The following COL6A3 variants were observed in gnomAD, a reference collection of about 807,000 sequenced individuals.
The protein encoded by COL6A3 is collagen alpha-3(VI) chain.
In COL6A3, 137 loss-of-function variants were observed where a neutral mutation model predicts 274.1. The ratio of observed to expected loss-of-function variants is 0.50; its 90% CI spans 0.44 to 0.58. COL6A3 has a LOEUF of 0.58. Ranked by LOEUF, COL6A3 falls within the 20% of genes least tolerant of loss-of-function variation. The pLI is 0.00. For missense variants in COL6A3, 3,950 were observed against 4,124.9 expected (o/e 0.96, Z 1.16); for synonymous variants, 1,650 against 1,650.6 (o/e 1.00, Z 0.01).
Position 237,374,686 on chromosome 2 carries a change from C to A in COL6A3, c.3405G>T (p.Leu1135=), listed in dbSNP as rs1187457239. The A allele has an allele frequency of 1.2e-6, 2 of 1,613,818 alleles. No homozygotes were observed. Among genetic ancestry groups the A allele is most frequent in the South Asian group, 1.1e-5 (1 of 91,078 alleles). ...ACCTGTCGGCCGTGAGGACGATCAG[C>A]AGCTGGGGCACACCTTCTGTTATCC... The part of the protein sequence containing the change: ...GSRITEGVPQ[L]LIVLTADRSG... Residue 1135 remains leucine (L), a synonymous_variant, in exon 8 of 44, where the codon CTG becomes CTT. Coordinates refer to ENST00000295550, the MANE Select transcript of COL6A3 (RefSeq NM_004369.4). This position sits in a 1 kb window ranked among gnomAD's most constrained non-coding sequence, Gnocchi z 4.8.
At chr2:237,382,652 G>C (rs1309251744) in intron 4 of COL6A3, among the ~76,000 whole-genome samples, 1 of 152,196 alleles carries the variant, frequency 6.6e-6, no homozygotes. Context: ...TTGCAAAAGA[G>C]TCCTCTGTTA....
chr2:237,361,923 TG>T lies in COL6A3; in HGVS notation c.6064-93del, dbSNP rs2077446389. The T allele has an allele frequency of 8.9e-7, 1 of 1,127,550 alleles. No homozygotes were observed. The highest frequency in any genetic ancestry group is 1.3e-5 in the South Asian group (1 of 79,688). The allele number at this position is 1,127,550 out of a possible 1,614,324, so 69.8% of individuals were successfully genotyped here. A position where few individuals can be genotyped will look rare whatever the true frequency, so the allele number is the denominator to read the frequency against. ...GCTTTAAGGGTCAAAATCGGATGTG[TG>T]GGGGTTTCACGGTGTGAGATGAAGT... On this transcript the variant is annotated intron_variant, in intron 14 of 43. Coordinates refer to ENST00000295550, the MANE Select transcript of COL6A3 (RefSeq NM_004369.4). This position sits in a 1 kb window ranked among gnomAD's most constrained non-coding sequence, Gnocchi z 5.1.
At chr2:237,403,739 C>G (rs183766687) in intron 1 of COL6A3, among the ~76,000 whole-genome samples, 1 of 152,006 alleles carries the variant, frequency 6.6e-6, no homozygotes, top group Non-Finnish European at 1.5e-5. Flanking sequence ...AGCTTTAGCC[C>G]GGTCGCAGCA....
rs927612906 is a variant in COL6A3 at position 237,372,279 on chromosome 2, A to G, written c.3738T>C (p.Pro1246=). The G allele has an allele frequency of 3.7e-6, 6 of 1,613,000 alleles. No individual in the cohort carries two copies. The African/African-American group carries it at 8.0e-5, about 22-fold the overall frequency. The change falls in exon 9 of 44, where the codon CCT becomes CCC. Residue 1246 remains proline, a synonymous_variant. Coordinates refer to ENST00000295550, the MANE Select transcript of COL6A3 (RefSeq NM_004369.4). The stretch of plus-strand genomic sequence containing the variant: ...TGAGGGTGCGAACGTACTGGAACTC[A>G]GGCCCGGCACTTTGGGACCCATCGA... ...FLIDGSQSAG[P]EFQYVRTLIE... is the part of the protein sequence containing the mutation.
chr2:237,367,932 G>A (rs1158675060), intron 10 of COL6A3, among the ~76,000 whole-genome samples: 1 of 152,224 alleles, frequency 6.6e-6, no homozygotes, highest in Non-Finnish European at 1.5e-5. Context: ...GCCACAGGCA[G>A]CCTGGTAGGG....
At chr2:237,350,796 C>T (rs921549190) in intron 27 of COL6A3, among the ~76,000 whole-genome samples, 13 of 152,292 alleles carry the variant, frequency 8.5e-5, no homozygotes, top group South Asian at 4.1e-4. Context: ...CAAGCACTGC[C>T]CGGCTGCTCT....
At chr2:237,367,497 C>G (rs546706655) in intron 10 of COL6A3, among the ~76,000 whole-genome samples, 1 of 152,242 alleles carries the variant, frequency 6.6e-6, no homozygotes, top group South Asian at 2.1e-4. Context: ...ATGATAAATC[C>G]TCTAAACAAA....
At position 237,377,163 on chromosome 2, in the gene COL6A3, G is replaced by A; in HGVS notation, c.2679C>T (p.His893=). The change falls in exon 7 of 44, where the codon CAC becomes CAT. Residue 893 remains histidine (H), a synonymous_variant. Transcript: ENST00000295550. The part of the protein sequence containing the change: ...DVKVESRFDE[H]QSKPEILNLV... ...GATTCAGGATCTCAGGCTTACTCTG[G>A]TGCTCATCAAAACGGGACTCCACCT... 1.2e-6 allele frequency: 2 copies of A among 1,614,142 alleles called. No homozygotes were observed. The highest frequency in any genetic ancestry group is 1.7e-6 in the Non-Finnish European group (2 of 1,180,026).
intron 23 of COL6A3, chr2:237,355,214 CA>C: frequency 2.2e-6 from 1 of 450,784 alleles, no homozygotes. Flanking sequence ...GCAGACCTGC[CA>C]AGCAAAATAA....
In COL6A3 at chr2:237,381,435, G is replaced by A. The variant is rs1177659671; in HGVS notation, c.1377C>T (p.Ala459=). Residue 459 remains alanine (A), a synonymous_variant, in exon 5 of 44, where the codon GCC becomes GCT. Transcript: ENST00000295550. The stretch of plus-strand genomic sequence containing the variant: ...TGAAGTCTCGGATGGCATTGAAGTT[G>A]GCCAGTCCCAGTGCAGATGAGCCAT... ...LVDGSSALGL[A]NFNAIRDFIA... 1.2e-6 allele frequency: 2 copies of A among 1,611,740 alleles called. No individual in the cohort carries two copies. The highest frequency in any genetic ancestry group is 2.7e-5 in the African/African-American group (2 of 74,920).
intron 42 of COL6A3, chr2:237,327,631 G>A (rs548857104): frequency 6.6e-6 from 1 of 152,244 alleles, no homozygotes; most frequent in South Asian, 2.1e-4. Flanking sequence ...AAAACCAAGA[G>A]AAATATATTA....
Position 237,342,313 on chromosome 2 carries a change from G to T in COL6A3, c.7669-152C>A, listed in dbSNP as rs2077003948. ...GAATATCTTCTCATTTGGGGGTGGG[G>T]TTAGGCTCTGAGTATAATAGAAAGA... On this transcript the variant is annotated intron_variant, in intron 36 of 43. Transcript: ENST00000295550. 2.2e-5 allele frequency: 15 copies of T among 697,188 alleles called. No individual in the cohort carries two copies. The East Asian group carries it at 4.1e-4, about 19-fold the overall frequency. 43.2% of individuals were successfully genotyped at this position (697,188 alleles called of 1,614,324 possible). A position where few individuals can be genotyped will look rare whatever the true frequency, so the allele number is the denominator to read the frequency against.
At chr2:237,326,244 AGT>A (rs58879455) in intron 42 of COL6A3, 20,775 of 151,490 alleles carry the variant, frequency 0.14, 1,652 homozygotes, top group East Asian at 0.21. Flanking sequence ...ATCCTTTATG[AGT>A]GTGTGTGTGT....
chr2:237,376,736 C>T (rs372768126), intron 7 of COL6A3, 36 bp downstream of exon 7: 34 of 1,599,988 alleles, frequency 2.1e-5, no homozygotes, highest in Middle Eastern at 1.7e-4. Flanking sequence ...CATTAGAGAA[C>T]TGAGTGGCAG....
intron 1 of COL6A3, among the ~76,000 whole-genome samples, chr2:237,402,090 G>T (rs891863615): frequency 6.6e-6 from 1 of 152,144 alleles, no homozygotes; most frequent in Non-Finnish European, 1.5e-5. Flanking sequence ...GAATCTTGAG[G>T]ATATTATGCT....
At chr2:237,382,845 T>C (rs1415899543) in intron 4 of COL6A3, among the ~76,000 whole-genome samples, 2 of 152,204 alleles carry the variant, frequency 1.3e-5, no homozygotes, top group African/African-American at 4.8e-5. Context: ...TGGAGTGCAG[T>C]GGCATGATCT....
Position 237,366,917 on chromosome 2 carries a change from T to C in COL6A3, c.5270A>G (p.Glu1757Gly). The C allele has an allele frequency of 6.2e-7, 1 of 1,614,206 alleles. No individual in the cohort carries two copies. The highest frequency in any genetic ancestry group is 8.5e-7 in the Non-Finnish European group (1 of 1,180,026). The stretch of plus-strand genomic sequence containing the variant: ...GGCCAGGCTCACATCCTGTGCATCT[T>C]CCACCGACTTTCCTCCCGTGATCAC... ...AFVITGGKSV[E>G]DAQDVSLALT... The change falls in exon 11 of 44, where the codon GAA (glutamate) becomes GGA (glycine). Residue 1757 changes from glutamate (E) to glycine (G), a missense_variant. By Grantham distance (98) the Glu-to-Gly change is moderately conservative. Around this residue, in one of 5 missense-constraint regions of COL6A3, gnomAD observed 632 missense variants for 623.4 expected, o/e 1.01. Coordinates refer to ENST00000295550, the MANE Select transcript of COL6A3 (RefSeq NM_004369.4).
At chr2:237,358,699 C>T in intron 20 of COL6A3, 116 bp from the exon 21 acceptor site, 1 of 1,018,924 alleles carries the variant, frequency 9.8e-7, no homozygotes, top group Non-Finnish European at 1.5e-6. Context: ...ACAATTTACT[C>T]ATTCACCATG....
At chr2:237,373,376 G>C (rs1483853069) in intron 8 of COL6A3, among the ~76,000 whole-genome samples, 1 of 152,158 alleles carries the variant, frequency 6.6e-6, no homozygotes, top group East Asian at 1.9e-4. Flanking sequence ...TAGGAAGAAA[G>C]AAAGCCTCTT....
Sources: allele counts gnomAD v4.1 joint callset (sites outside exome capture counted in the v4.1 genomes callset), GRCh38; gene constraint gnomAD v4.1.1; regional missense constraint gnomAD v4.1.1; non-coding constraint Gnocchi (gnomAD v3.1); transcripts MANE v1.5; gene names NCBI Gene and HGNC (gene_info 2026-07-23, HGNC 2026-07-21).